UBE2R2: variants seen among roughly 807,000 people sequenced by gnomAD.
UBE2R2 encodes the protein ubiquitin conjugating enzyme E2 R2.
In UBE2R2, 1 loss-of-function variant was observed where a neutral mutation model predicts 27.8. That is an observed-to-expected ratio of 0.04 (90% CI 0.01 to 0.17). The LOEUF (loss-of-function observed/expected upper bound fraction) is 0.17, where lower values mean the gene tolerates loss of function less well. UBE2R2 is among the 10% of genes least tolerant of loss of function. The pLI, the probability that UBE2R2 is intolerant of heterozygous loss-of-function variation, is 1.00. For synonymous variants in UBE2R2, 106 were observed against 113.3 expected (o/e 0.94, Z 0.41); for missense variants, 100 against 291.0 (o/e 0.34, Z 4.78).
chr9:33,850,655 C>G (rs1350462853), intron 1 of UBE2R2, among the ~76,000 whole-genome samples: 1 of 151,212 alleles, frequency 6.6e-6, no homozygotes, highest in African/African-American at 2.4e-5. Context: ...TTTTTGCCTT[C>G]ATATTACTGA....
intron 1 of UBE2R2, among the ~76,000 whole-genome samples, chr9:33,834,869 C>T (rs758949450): frequency 1.3e-5 from 2 of 150,806 alleles, no homozygotes; most frequent in Non-Finnish European, 2.9e-5. Context: ...GAGATCGTGC[C>T]GTTGCACTCC....
chr9:33,821,913 C>G (rs985239352), intron 1 of UBE2R2, among the ~76,000 whole-genome samples: 1 of 152,106 alleles, frequency 6.6e-6, no homozygotes, highest in Non-Finnish European at 1.5e-5. Context: ...TGAGCCACCA[C>G]TCCTGGCCAA....
At chr9:33,908,095 G>A (rs1822401712) in intron 3 of UBE2R2, among the ~76,000 whole-genome samples, 1 of 152,092 alleles carries the variant, frequency 6.6e-6, no homozygotes, top group East Asian at 1.9e-4. Flanking sequence ...AAAGTACTGG[G>A]GTTACAGGTG....
intron 1 of UBE2R2, among the ~76,000 whole-genome samples, chr9:33,884,876 TCTC>T (rs1301094310): frequency 6.6e-6 from 1 of 152,176 alleles, no homozygotes; most frequent in Non-Finnish European, 1.5e-5. Flanking sequence ...GGAATCCAAT[TCTC>T]CTCTTCCCCA....
At chr9:33,871,563 A>G (rs145302774) in intron 1 of UBE2R2, among the ~76,000 whole-genome samples, 38 of 152,226 alleles carry the variant, frequency 2.5e-4, no homozygotes, top group East Asian at 1.9e-3. Flanking sequence ...TTTTAATTCT[A>G]TTTGCGATGG....
chr9:33,818,029 G>T (rs1412170626), intron 1 of UBE2R2, 95 bp downstream of exon 1: 3 of 1,440,276 alleles, frequency 2.1e-6, no homozygotes, highest in Non-Finnish European at 2.8e-6. Context: ...GTATGAGCAC[G>T]GGCGAGTGGA....
At chr9:33,841,906 G>C (rs1417329225) in intron 1 of UBE2R2, among the ~76,000 whole-genome samples, 1 of 151,988 alleles carries the variant, frequency 6.6e-6, no homozygotes, top group Non-Finnish European at 1.5e-5. Flanking sequence ...CATGTATGCT[G>C]TCCTCATCAC....
chr9:33,903,165 G>A (rs990382140), intron 3 of UBE2R2, among the ~76,000 whole-genome samples: 5 of 152,020 alleles, frequency 3.3e-5, no homozygotes, highest in African/African-American at 1.2e-4. Context: ...AGGGTGCTAC[G>A]TCTTCAGAAG....
intron 1 of UBE2R2, among the ~76,000 whole-genome samples, chr9:33,843,710 C>G (rs1468316434): frequency 6.6e-6 from 1 of 151,988 alleles, no homozygotes; most frequent in Non-Finnish European, 1.5e-5. Flanking sequence ...AACTCCTGAC[C>G]TCAAATGATC....
intron 1 of UBE2R2, among the ~76,000 whole-genome samples, chr9:33,829,404 C>T (rs1381803469): frequency 1.3e-5 from 2 of 152,042 alleles, no homozygotes; most frequent in Non-Finnish European, 2.9e-5. Context: ...ATGGAGGCAG[C>T]TTAAGTGATG....
chr9:33,823,829 T>C (rs1004740260), intron 1 of UBE2R2, among the ~76,000 whole-genome samples: 1 of 152,218 alleles, frequency 6.6e-6, no homozygotes, highest in Non-Finnish European at 1.5e-5. Context: ...AGAATCCTCT[T>C]GTAAGGTATT....
At chr9:33,884,073 A>C (rs2130793417) in intron 1 of UBE2R2, among the ~76,000 whole-genome samples, 1 of 152,074 alleles carries the variant, frequency 6.6e-6, no homozygotes. Context: ...TGGGTGAATT[A>C]CTTGAGCCCA....
chr9:33,895,393 A>C (rs1319384838), intron 2 of UBE2R2, among the ~76,000 whole-genome samples: 2 of 152,184 alleles, frequency 1.3e-5, no homozygotes, highest in Non-Finnish European at 2.9e-5. Flanking sequence ...TCTCAATTGT[A>C]AATTATATTC....
At chr9:33,859,799 TGAGAGAGAGA>T (rs376101396) in intron 1 of UBE2R2, among the ~76,000 whole-genome samples, 32 of 86,576 alleles carry the variant, frequency 3.7e-4, no homozygotes, top group South Asian at 2.8e-3. Flanking sequence ...TGTGTGTGTG[TGAGAGAGAGA>T]GAGAGAGAGA....
chr9:33,827,530 A>G (rs1486636292), intron 1 of UBE2R2, among the ~76,000 whole-genome samples: 1 of 152,058 alleles, frequency 6.6e-6, no homozygotes, highest in Non-Finnish European at 1.5e-5. Context: ...AATCCCAGCT[A>G]CTTGGGAGGC....
chr9:33,848,748 G>A (rs1214563267), intron 1 of UBE2R2, among the ~76,000 whole-genome samples: 3 of 151,680 alleles, frequency 2.0e-5, no homozygotes, highest in Admixed American at 6.6e-5. Flanking sequence ...GTTGTTATAG[G>A]TGCCTGCCAC....
intron 1 of UBE2R2, among the ~76,000 whole-genome samples, 189 bp downstream of exon 1, chr9:33,818,123 GGGGCGGGGGCTC>G (rs1255192388): frequency 6.6e-5 from 10 of 152,120 alleles, no homozygotes; most frequent in East Asian, 3.9e-4. Context: ...CTTTGTCATG[GGGGCGGGGGCTC>G]GGGCGGGGGC....
At chr9:33,839,081 CAAAA>C (rs71943200) in intron 1 of UBE2R2, among the ~76,000 whole-genome samples, 3 of 128,234 alleles carry the variant, frequency 2.3e-5, no homozygotes, top group African/African-American at 2.9e-5. Flanking sequence ...GGCACTGTCT[CAAAA>C]AAAAAAAAAA....
At chr9:33,837,771 C>G (rs1162423508) in intron 1 of UBE2R2, among the ~76,000 whole-genome samples, 1 of 150,168 alleles carries the variant, frequency 6.7e-6, no homozygotes, top group African/African-American at 2.5e-5. Flanking sequence ...CCAGGCTGGT[C>G]TCAAACTCTG....
Sources: allele counts gnomAD v4.1 joint callset (sites outside exome capture counted in the v4.1 genomes callset), GRCh38; gene constraint gnomAD v4.1.1; transcripts MANE v1.5; gene names NCBI Gene and HGNC (gene_info 2026-07-23, HGNC 2026-07-21).